Variants in DTWD2 observed in about 807,000 individuals in gnomAD.
DTWD2 encodes tRNA-uridine aminocarboxypropyltransferase 2.
In DTWD2, 39 loss-of-function variants were observed where a neutral mutation model predicts 31.8. The observed-to-expected ratio is 1.22, with a 90% CI of 0.95 to 1.60. DTWD2 has a LOEUF of 1.60. DTWD2 is among the 40% of genes most tolerant of loss of function. The pLI is 0.00. For missense variants in DTWD2, 515 were observed against 381.5 expected (o/e 1.35, Z -2.92); for synonymous variants, 180 against 142.8 (o/e 1.26, Z -1.86).
intron 4 of DTWD2, among the ~76,000 whole-genome samples, chr5:118,871,382 C>G (rs1752501413): frequency 6.6e-6 from 1 of 152,202 alleles, no homozygotes; most frequent in African/African-American, 2.4e-5. Flanking sequence ...TGAATCCTTT[C>G]TAGCAGGTTT....
intron 4 of DTWD2, among the ~76,000 whole-genome samples, chr5:118,913,933 A>G (rs1359900504): frequency 6.6e-6 from 1 of 151,944 alleles, no homozygotes; most frequent in Non-Finnish European, 1.5e-5. Context: ...AAAAAAGCAA[A>G]AGAACATTAA....
At chr5:118,956,799 G>A (rs1002409182) in intron 1 of DTWD2, among the ~76,000 whole-genome samples, 3 of 151,970 alleles carry the variant, frequency 2.0e-5, no homozygotes, top group African/African-American at 7.3e-5. Flanking sequence ...CTAACATAGC[G>A]AAAAAGCAAA....
chr5:118,894,973 C>T (rs2149562249), intron 4 of DTWD2, among the ~76,000 whole-genome samples: 1 of 152,118 alleles, frequency 6.6e-6, no homozygotes, highest in South Asian at 2.1e-4. Flanking sequence ...ACATTTACAC[C>T]ACCGTTATGC....
At chr5:118,971,049 T>G (rs1470903541) in intron 1 of DTWD2, among the ~76,000 whole-genome samples, 2 of 152,014 alleles carry the variant, frequency 1.3e-5, no homozygotes, top group Non-Finnish European at 2.9e-5. Context: ...AGTACGCAAA[T>G]CAGTGACACT....
intron 4 of DTWD2, among the ~76,000 whole-genome samples, chr5:118,858,078 A>G (rs1752179785): frequency 6.6e-6 from 1 of 152,102 alleles, no homozygotes; most frequent in Admixed American, 6.6e-5. Flanking sequence ...CCCATGTGGG[A>G]GCAATAAGCT....
chr5:118,845,806 A>C (rs557868954), intron 5 of DTWD2, among the ~76,000 whole-genome samples: 4 of 152,200 alleles, frequency 2.6e-5, no homozygotes, highest in Admixed American at 1.3e-4. Flanking sequence ...TACACTCAGA[A>C]TGTATTTTGC....
intron 4 of DTWD2, among the ~76,000 whole-genome samples, chr5:118,875,697 G>A (rs931186356): frequency 8.6e-5 from 13 of 151,932 alleles, no homozygotes; most frequent in African/African-American, 3.1e-4. Flanking sequence ...CAACACAGGA[G>A]CATCCAGATT....
At chr5:118,896,012 T>C (rs1435789796) in intron 4 of DTWD2, among the ~76,000 whole-genome samples, 1 of 152,172 alleles carries the variant, frequency 6.6e-6, no homozygotes, top group Admixed American at 6.5e-5. Context: ...TTTGCTGCTA[T>C]TAATACACAA....
intron 2 of DTWD2, among the ~76,000 whole-genome samples, chr5:118,941,390 T>C (rs58886471): frequency 0.039 from 5,873 of 152,240 alleles, 382 homozygotes; most frequent in African/African-American, 0.13. Context: ...AGTGTTCTCA[T>C]TGTTCAATTC....
chr5:118,846,626 G>A (rs948989665), intron 5 of DTWD2, among the ~76,000 whole-genome samples: 19 of 151,880 alleles, frequency 1.3e-4, no homozygotes, highest in Non-Finnish European at 2.5e-4. Context: ...AACAGCACTG[G>A]GTTACATAAT....
At chr5:118,920,498 T>C (rs1221277563) in intron 4 of DTWD2, among the ~76,000 whole-genome samples, 2 of 152,130 alleles carry the variant, frequency 1.3e-5, no homozygotes, top group Non-Finnish European at 2.9e-5. Flanking sequence ...AACTTTTGCT[T>C]TAAACACAGT....
chr5:118,874,127 C>T (rs770108269), intron 4 of DTWD2, among the ~76,000 whole-genome samples: 11 of 152,102 alleles, frequency 7.2e-5, no homozygotes, highest in African/African-American at 1.9e-4. Flanking sequence ...CAAAACCAGT[C>T]GACTGAATCC....
rs1381026110 is a variant in DTWD2, at chr5:118,840,992, T to C, written c.822A>G (p.Leu274=). Residue 274 remains leucine (L), a synonymous_variant, in exon 6 of 6, where the codon TTA becomes TTG. Transcript: ENST00000510708. ...LSKEHLLKNG[L]YPKPMPKNKR... ...TGTTCTTTGGCATTGGTTTAGGATA[T>C]AATCCATTTTTCAGAAGGTGTTCCT... The C allele has an allele frequency of 6.2e-7, 1 of 1,613,870 alleles. No homozygotes were observed. The highest frequency in any genetic ancestry group is 1.7e-5 in the Admixed American group (1 of 60,022).
intron 4 of DTWD2, among the ~76,000 whole-genome samples, chr5:118,891,586 T>C (rs1752978469): frequency 1.3e-5 from 2 of 152,170 alleles, no homozygotes; most frequent in East Asian, 1.9e-4. Context: ...TGCAAGCAAT[T>C]AGAGGCTTAA....
chr5:118,959,216 A>G (rs189682565), intron 1 of DTWD2, among the ~76,000 whole-genome samples: 1 of 152,302 alleles, frequency 6.6e-6, no homozygotes, highest in East Asian at 1.9e-4. Flanking sequence ...TCTGCCCAAA[A>G]GCTCCTAGAT....
At chr5:118,987,492 CAT>C (rs1755454447) in intron 1 of DTWD2, among the ~76,000 whole-genome samples, 1 of 152,224 alleles carries the variant, frequency 6.6e-6, no homozygotes, top group Non-Finnish European at 1.5e-5. Flanking sequence ...GGATTCTTCT[CAT>C]CTTTCAAATC....
rs1019762338 is a variant in DTWD2, at chr5:118,961,989, C to T, written c.219-17340G>A. Among the ~76,000 whole-genome samples the T allele has an allele frequency of 4.6e-5, 7 of 152,130 alleles. No homozygotes were observed. The East Asian group carries it at 1.3e-3, about 29-fold the overall frequency. ...AGGCGCAGTGGCTCATGCCGGTAAT[C>T]CCAGCACTTTGGGAGGCTGAGGCGG... is the stretch of plus-strand genomic sequence containing the variant. On this transcript the variant is annotated intron_variant, in intron 1 of 5. Coordinates refer to ENST00000510708, the MANE Select transcript of DTWD2 (RefSeq NM_173666.4).
At chr5:118,982,987 C>A (rs985784472) in intron 1 of DTWD2, among the ~76,000 whole-genome samples, 1 of 152,026 alleles carries the variant, frequency 6.6e-6, no homozygotes. Flanking sequence ...CTGTGCCTGG[C>A]CCAAAATAGT....
intron 3 of DTWD2, among the ~76,000 whole-genome samples, chr5:118,934,187 C>A (rs1005376821): frequency 1.4e-5 from 2 of 142,014 alleles, no homozygotes; most frequent in African/African-American, 5.2e-5. Flanking sequence ...GTAATCCCAG[C>A]ACTTTGGGAG....
Sources: gnomAD v4.1 joint callset for allele counts (sites outside exome capture counted in the v4.1 genomes callset) on GRCh38, gnomAD v4.1.1 for gene constraint, MANE v1.5 for transcripts, NCBI Gene and HGNC (gene_info 2026-07-23, HGNC 2026-07-21) for gene names.